The following TBXAS1 variants were observed in gnomAD, a reference collection of about 807,000 sequenced individuals.
TBXAS1 encodes the protein thromboxane A synthase 1, also known as thromboxane-A synthase.
TBXAS1 carries 48 observed loss-of-function variants against 60.7 expected under a neutral mutation model. The observed-to-expected ratio is 0.79, with a 90% confidence interval of 0.63 to 1.01. The LOEUF (loss-of-function observed/expected upper bound fraction) is 1.01, where lower values mean the gene tolerates loss of function less well. Among genes scored for constraint, TBXAS1 ranks in the 50% least tolerant of loss-of-function variants. The probability of loss-of-function intolerance (pLI) is 0.00; values close to 1 mark genes in which losing one functional copy is unlikely to be tolerated. For synonymous variants in TBXAS1, 287 were observed against 269.7 expected (o/e 1.06, Z -0.63); for missense variants, 685 against 686.3 (o/e 1.00, Z 0.02).
chr7:139,951,975 A>T (rs1007507154), intron 5 of TBXAS1, among the ~76,000 whole-genome samples: 1 of 146,876 alleles, frequency 6.8e-6, no homozygotes, highest in Non-Finnish European at 1.5e-5. Flanking sequence ...AGAAAGAAAG[A>T]AAGAAAGAAA....
At chr7:140,008,447 CTTT>C (rs35875761) in intron 10 of TBXAS1, among the ~76,000 whole-genome samples, 4 of 126,052 alleles carry the variant, frequency 3.2e-5, no homozygotes, top group Admixed American at 1.7e-4. Context: ...TTCTTTTATT[CTTT>C]TTTTTTTTTT....
chr7:139,938,185 C>T (rs1807961768), intron 5 of TBXAS1, among the ~76,000 whole-genome samples: 1 of 152,152 alleles, frequency 6.6e-6, no homozygotes, highest in Admixed American at 6.5e-5. Flanking sequence ...ATTCCTTCCT[C>T]CAAGACTGGG....
At chr7:139,901,491 G>C (rs1417851567) in intron 3 of TBXAS1, among the ~76,000 whole-genome samples, 1 of 151,322 alleles carries the variant, frequency 6.6e-6, no homozygotes, top group Non-Finnish European at 1.5e-5. Context: ...AAAGTTGCGT[G>C]TGCCCTACAG....
intron 1 of TBXAS1, among the ~76,000 whole-genome samples, chr7:139,835,194 G>A (rs951674414): frequency 6.6e-6 from 1 of 151,714 alleles, no homozygotes; most frequent in African/African-American, 2.4e-5. Flanking sequence ...AGCCTCCGGA[G>A]TAGCTGGCAC....
rs1301519142 is a variant in TBXAS1, at chr7:139,999,448, C to T, written c.1135-7643C>T. 5.3e-5 allele frequency among the ~76,000 whole-genome samples: 8 copies of T among 152,104 alleles called. No homozygotes were observed. Among genetic ancestry groups the T allele is most frequent in the Non-Finnish European group, 7.4e-5 (5 of 68,026 alleles). Reference sequence around the variant, plus strand: ...CTGACGCATGAGACTCGCTTGAACCCGGGAGGTGGAGGTTGCAGTGAGCCG... The same window carrying T: ...CTGACGCATGAGACTCGCTTGAACCTGGGAGGTGGAGGTTGCAGTGAGCCG... On this transcript the variant is annotated intron_variant, in intron 9 of 12. Transcript: ENST00000448866. The surrounding 1 kb of genome is among the most constrained non-coding windows in gnomAD (Gnocchi z 4.3).
At chr7:139,812,523 C>T (rs1798043147) in intron 4 of TBXAS1, among the ~76,000 whole-genome samples, 1 of 152,150 alleles carries the variant, frequency 6.6e-6, no homozygotes, top group Non-Finnish European at 1.5e-5. Context: ...GGAAAAACGT[C>T]CTTTGCCTTG....
At chr7:139,819,848 T>G (rs1430750016) in intron 4 of TBXAS1, among the ~76,000 whole-genome samples, 3 of 151,842 alleles carry the variant, frequency 2.0e-5, no homozygotes, top group African/African-American at 7.3e-5. Flanking sequence ...TAGGTGGAGA[T>G]TGGGGCCCTA....
intron 6 of TBXAS1, 23 bp from the exon 7 acceptor site, chr7:139,955,436 C>A (rs1809772175): frequency 1.2e-6 from 2 of 1,614,092 alleles, no homozygotes; most frequent in Non-Finnish European, 1.7e-6. Context: ...CCTTTCAGAT[C>A]TCTGTGCTCC....
intron 3 of TBXAS1, among the ~76,000 whole-genome samples, chr7:139,902,149 T>G (rs1007558749): frequency 6.6e-6 from 1 of 151,796 alleles, no homozygotes; most frequent in African/African-American, 2.4e-5. Flanking sequence ...TGTGTGTGTG[T>G]GTAGTTCTAT....
At position 139,837,459 on chromosome 7, in the gene TBXAS1, T is replaced by C. The variant is rs147391448; in HGVS notation, c.89+7980T>C. 2.1e-3 allele frequency among the ~76,000 whole-genome samples: 324 copies of C among 152,340 alleles called. 3 individuals carry two copies. Among genetic ancestry groups the C allele is most frequent in the African/African-American group, 6.9e-3 (288 of 41,574 alleles). On this transcript the variant is annotated intron_variant, in intron 1 of 12. Transcript: ENST00000448866. Reference sequence around the variant, plus strand: ...GGATAAAGAAACTGTGGTATATGTATATGATGGAATACTATGCAGCCATAA... The same window carrying C: ...GGATAAAGAAACTGTGGTATATGTACATGATGGAATACTATGCAGCCATAA...
intron 3 of TBXAS1, among the ~76,000 whole-genome samples, chr7:139,785,492 T>TTTG (rs1047526291): frequency 5.9e-5 from 9 of 152,016 alleles, no homozygotes; most frequent in African/African-American, 2.2e-4. Flanking sequence ...TTGTTGTTTT[T>TTTG]TGTGTGATAG....
Position 139,821,205 on chromosome 7 carries a change from GAC to G in TBXAS1, c.-79-8106_-79-8105del, listed in dbSNP as rs879626590. Among the ~76,000 whole-genome samples, 298 of 152,316 alleles carry G rather than the reference GAC, an allele frequency of 2.0e-3. 1 individual carries two copies. The highest frequency in any genetic ancestry group is 0.011 in the South Asian group (55 of 4,818). ...AAGGGAGGAAGGTACAATTTACTGA[GAC>G]GGGGGAGATGGGATGAGGTTAATGG... On this transcript the variant is annotated intron_variant, in intron 4 of 16. Coordinates refer to the TBXAS1 transcript ENST00000336425.
intron 4 of TBXAS1, among the ~76,000 whole-genome samples, chr7:139,808,018 T>A (rs1797921855): frequency 6.6e-6 from 1 of 152,146 alleles, no homozygotes; most frequent in South Asian, 2.1e-4. Context: ...TATTTCCACC[T>A]TACAGATACA....
chr7:139,790,809 T>C (rs1461926757), intron 4 of TBXAS1, among the ~76,000 whole-genome samples: 5 of 152,214 alleles, frequency 3.3e-5, no homozygotes, highest in Non-Finnish European at 7.3e-5. Flanking sequence ...GGATTTTTAC[T>C]TTTATTTTTC....
chr7:139,996,543 C>G (rs1813308487), intron 9 of TBXAS1, among the ~76,000 whole-genome samples: 1 of 152,234 alleles, frequency 6.6e-6, no homozygotes, highest in African/African-American at 2.4e-5. Flanking sequence ...AAGCTGATCT[C>G]CTTCCCCTGG....
intron 3 of TBXAS1, among the ~76,000 whole-genome samples, chr7:139,880,410 T>G (rs572506580): frequency 1.3e-5 from 2 of 152,230 alleles, no homozygotes; most frequent in South Asian, 4.2e-4. Context: ...CCTCATATAC[T>G]CCCATCAGAG....
chr7:139,792,884 GAAAC>G (rs1797432241), intron 4 of TBXAS1, among the ~76,000 whole-genome samples: 1 of 152,170 alleles, frequency 6.6e-6, no homozygotes, highest in African/African-American at 2.4e-5. Flanking sequence ...ACATCAATAG[GAAAC>G]AAAGCAAGAT....
intron 10 of TBXAS1, among the ~76,000 whole-genome samples, chr7:140,009,662 C>T (rs535376018): frequency 1.0e-5 from 1 of 96,986 alleles, no homozygotes; most frequent in Non-Finnish European, 2.2e-5. Flanking sequence ...GCCCCACACC[C>T]GCTCCACACC....
chr7:139,921,304 T>C (rs1469647883), intron 4 of TBXAS1, among the ~76,000 whole-genome samples: 3 of 152,248 alleles, frequency 2.0e-5, no homozygotes, highest in Non-Finnish European at 4.4e-5. Flanking sequence ...TCTCTTTTCC[T>C]GCTGTTGAAC....
Sources: gnomAD v4.1 joint callset for allele counts (sites outside exome capture counted in the v4.1 genomes callset) on GRCh38, gnomAD v4.1.1 for gene constraint, Gnocchi (gnomAD v3.1) non-coding constraint, MANE v1.5 for transcripts, NCBI Gene and HGNC (gene_info 2026-07-23, HGNC 2026-07-21) for gene names.